The following CACNA2D3 variants were observed in gnomAD, a reference collection of about 807,000 sequenced individuals.
CACNA2D3 encodes the protein calcium voltage-gated channel auxiliary subunit alpha2delta 3, also known as voltage-dependent calcium channel subunit alpha-2/delta-3.
Under a neutral mutation model 160.6 loss-of-function variants are expected in CACNA2D3, and 60 were observed. The observed-to-expected ratio is 0.37, with a 90% confidence interval of 0.30 to 0.46. The LOEUF is 0.46. Among genes scored for constraint, CACNA2D3 ranks in the 20% least tolerant of loss-of-function variants. CACNA2D3 has a pLI of 1.00. For synonymous variants in CACNA2D3, 558 were observed against 492.9 expected (o/e 1.13, Z -1.75); for missense variants, 1,205 against 1,365.0 (o/e 0.88, Z 1.85).
intron 31 of CACNA2D3, among the ~76,000 whole-genome samples, chr3:55,000,782 G>C (rs1702964204): frequency 1.3e-5 from 2 of 152,062 alleles, no homozygotes; most frequent in Non-Finnish European, 2.9e-5. Flanking sequence ...CAGCCCTTCA[G>C]CTTGGGTTGA....
At chr3:54,826,145 T>C (rs1227418853) in intron 14 of CACNA2D3, among the ~76,000 whole-genome samples, 4 of 152,244 alleles carry the variant, frequency 2.6e-5, no homozygotes, top group Admixed American at 2.6e-4. Flanking sequence ...TTTAATGGTC[T>C]GGTCATGTTC....
At chr3:54,430,864 A>C (rs1699979645) in intron 4 of CACNA2D3, among the ~76,000 whole-genome samples, 1 of 152,210 alleles carries the variant, frequency 6.6e-6, no homozygotes, top group Admixed American at 6.5e-5. Context: ...TGACTCCTGC[A>C]CAGTAAATAA....
At chr3:54,249,761 TA>T (rs1702150071) in intron 2 of CACNA2D3, among the ~76,000 whole-genome samples, 1 of 120,478 alleles carries the variant, frequency 8.3e-6, no homozygotes, top group African/African-American at 3.4e-5. Flanking sequence ...ATACCAAAAT[TA>T]TGTTTTTTTT....
At chr3:54,164,525 C>A (rs1700413778) in intron 2 of CACNA2D3, among the ~76,000 whole-genome samples, 3 of 152,336 alleles carry the variant, frequency 2.0e-5, no homozygotes, top group South Asian at 4.1e-4. Context: ...TCTTACTTAT[C>A]TCTGGTCTTT....
chr3:54,254,390 C>T (rs1702255720), intron 2 of CACNA2D3, among the ~76,000 whole-genome samples: 1 of 152,188 alleles, frequency 6.6e-6, no homozygotes, highest in African/African-American at 2.4e-5. Flanking sequence ...AGTCAATTAG[C>T]TTCTGATAAA....
chr3:55,011,387 G>T (rs528565289), intron 34 of CACNA2D3, among the ~76,000 whole-genome samples: 2 of 152,176 alleles, frequency 1.3e-5, no homozygotes, highest in African/African-American at 4.8e-5. Flanking sequence ...TTCAGCCTGA[G>T]GACATAAACC....
intron 11 of CACNA2D3, among the ~76,000 whole-genome samples, chr3:54,684,122 G>A (rs772735248): frequency 1.3e-5 from 2 of 151,758 alleles, no homozygotes; most frequent in South Asian, 2.1e-4. Context: ...AACCATGCCC[G>A]GCTAATTTTT....
intron 27 of CACNA2D3, chr3:54,928,179 G>A (rs1701081944): frequency 2.0e-6 from 1 of 509,692 alleles, no homozygotes; most frequent in African/African-American, 1.9e-5. Context: ...TAAAATGTTG[G>A]CCTCCCCAGG....
chr3:54,325,834 C>T (rs1026463307), intron 3 of CACNA2D3, among the ~76,000 whole-genome samples: 20 of 152,178 alleles, frequency 1.3e-4, no homozygotes, highest in Non-Finnish European at 2.6e-4. Flanking sequence ...TTGAAAGCAC[C>T]CTGAAACTCA....
At chr3:54,247,236 G>A (rs1397664497) in intron 2 of CACNA2D3, among the ~76,000 whole-genome samples, 1 of 152,044 alleles carries the variant, frequency 6.6e-6, no homozygotes, top group African/African-American at 2.4e-5. Flanking sequence ...CTTGAACCCT[G>A]GAGGTAGGTG....
chr3:54,229,064 T>A (rs1037306383), intron 2 of CACNA2D3, among the ~76,000 whole-genome samples: 1 of 152,236 alleles, frequency 6.6e-6, no homozygotes, highest in African/African-American at 2.4e-5. Flanking sequence ...ACAACACTGC[T>A]GGAAGGCTTG....
chr3:54,451,311 G>A (rs572566416), intron 4 of CACNA2D3, among the ~76,000 whole-genome samples: 70 of 135,364 alleles, frequency 5.2e-4, no homozygotes, highest in Admixed American at 9.0e-4. Context: ...GTGCAGTGGC[G>A]CAATCTTGGC....
At chr3:54,141,124 G>A (rs556829971) in intron 2 of CACNA2D3, among the ~76,000 whole-genome samples, 2 of 113,660 alleles carry the variant, frequency 1.8e-5, no homozygotes, top group South Asian at 5.7e-4. Flanking sequence ...CCTGAGATGT[G>A]TCATATTAGA....
intron 2 of CACNA2D3, among the ~76,000 whole-genome samples, chr3:54,297,707 G>A (rs970515154): frequency 3.5e-5 from 4 of 114,284 alleles, no homozygotes; most frequent in Non-Finnish European, 5.4e-5. Context: ...CCCTCTCCCC[G>A]CCACCAAAAA....
intron 2 of CACNA2D3, among the ~76,000 whole-genome samples, chr3:54,201,617 T>C (rs1009034759): frequency 5.3e-5 from 8 of 152,204 alleles, no homozygotes; most frequent in Non-Finnish European, 8.8e-5. Flanking sequence ...TCATTTTATA[T>C]TATACCCCAA....
At chr3:55,011,301 T>G (rs1003419903) in intron 34 of CACNA2D3, among the ~76,000 whole-genome samples, 6 of 152,212 alleles carry the variant, frequency 3.9e-5, no homozygotes, top group African/African-American at 1.4e-4. Flanking sequence ...CCCCCAGGAC[T>G]GGGACCCAAT....
chr3:54,698,814 G>A (rs781202287), intron 11 of CACNA2D3, among the ~76,000 whole-genome samples: 2 of 152,126 alleles, frequency 1.3e-5, no homozygotes, highest in Non-Finnish European at 2.9e-5. Flanking sequence ...TGGTGCATGG[G>A]CAATGGCCTG....
At chr3:54,359,711 A>G (rs1698710305) in intron 3 of CACNA2D3, among the ~76,000 whole-genome samples, 1 of 152,206 alleles carries the variant, frequency 6.6e-6, no homozygotes, top group Non-Finnish European at 1.5e-5. Flanking sequence ...GATGTCTTGC[A>G]GTAAAGGAAT....
chr3:54,883,799 A>ATCTCTCTCTCTCTCTCTCTCTCTC (rs9311543), intron 21 of CACNA2D3, among the ~76,000 whole-genome samples: 2,089 of 107,184 alleles, frequency 0.019, 167 homozygotes, highest in East Asian at 0.027. Context: ...TTACAATGGA[A>ATCTCTCTCTCTCTCTCTCTCTCTC]TCTCTCTCTC....
Sources: gnomAD v4.1 joint callset for allele counts (sites outside exome capture counted in the v4.1 genomes callset) on GRCh38, gnomAD v4.1.1 for gene constraint, MANE v1.5 for transcripts, NCBI Gene and HGNC (gene_info 2026-07-23, HGNC 2026-07-21) for gene names.